MAP3K15: variants seen among roughly 807,000 people sequenced by gnomAD.
MAP3K15 encodes MAPK/ERK kinase kinase 15.
Under a neutral mutation model 99.5 loss-of-function variants are expected in MAP3K15, and 124 were observed. That is an observed-to-expected ratio of 1.25 (90% CI 1.08 to 1.45). The LOEUF (loss-of-function observed/expected upper bound fraction) is 1.45. Ranked by LOEUF, MAP3K15 falls within the 40% of genes most tolerant of loss-of-function variation. The pLI is 0.00. For missense variants in MAP3K15, 1,242 were observed against 1,079.7 expected, an observed-to-expected ratio of 1.15 and a Z score of -2.11; for synonymous variants, 494 against 439.6, an observed-to-expected ratio of 1.12 and a Z score of -1.55.
chrX:19,417,913 C>A (rs977423580), intron 9 of MAP3K15, among the ~76,000 whole-genome samples: 15 of 112,165 alleles, frequency 1.3e-4, no homozygotes, highest in African/African-American at 4.9e-4. Context: ...GCCTCTGCTG[C>A]TGATACCCAG....
At chrX:19,422,384 A>C (rs1419433380) in intron 9 of MAP3K15, among the ~76,000 whole-genome samples, 1 of 112,117 alleles carries the variant, frequency 8.9e-6, no homozygotes, top group Non-Finnish European at 1.9e-5. Context: ...ATGAACAGAC[A>C]CTTCTCAAAA....
intron 3 of MAP3K15, among the ~76,000 whole-genome samples, chrX:19,466,182 G>C (rs1352755554): frequency 9.0e-6 from 1 of 111,319 alleles, no homozygotes; most frequent in African/African-American, 3.3e-5. Context: ...TGGTAAGTTA[G>C]AGGTAAATTT....
chrX:19,463,901 TA>T lies in MAP3K15; in HGVS notation c.719+311del, dbSNP rs377474569. On this transcript the variant is annotated intron_variant, in intron 4 of 28. Transcript: ENST00000338883. ...GGATCTCAGAGCTGAAAGAGATCGTTAAAAAAAAAAAAATCACTGACAACTT... is the reference window on the plus strand; with the variant it reads ...GGATCTCAGAGCTGAAAGAGATCGTTAAAAAAAAAAAATCACTGACAACTT... Among the ~76,000 whole-genome samples, 500 of 102,497 alleles carry T rather than the reference TA, an allele frequency of 4.9e-3. 2 individuals are homozygous for T. The highest frequency in any genetic ancestry group is 0.014 in the African/African-American group (395 of 28,385). The allele number at this position is 102,497 out of a possible 115,157, so 89.0% of individuals were successfully genotyped here.
Position 19,459,996 on chromosome X carries a change from G to A in MAP3K15, c.877C>T (p.Arg293Cys), listed in dbSNP as rs371410606. Residue 293 changes from arginine (R) to cysteine (C), a missense_variant, in exon 5 of 29, where the codon CGT becomes TGT. By Grantham distance (180) the Arg-to-Cys change is radical. Coordinates refer to ENST00000338883, the MANE Select transcript of MAP3K15 (RefSeq NM_001001671.4). ...GGTGGATTTCATACCTGGATATCAC[G>A]GTAGGACAGGAGTAAGTTAATGATG... Reference protein sequence around the residue: ...DIIINLLLSYRDIQDYDAMVK... With the variant: ...DIIINLLLSYCDIQDYDAMVK... 2.6e-6 allele frequency: 3 copies of A among 1,157,893 alleles called. No individual in the cohort carries two copies. The highest frequency in any genetic ancestry group is 2.0e-5 in the South Asian group (1 of 50,016).
chrX:19,394,998 A>G, intron 16 of MAP3K15, 83 bp downstream of exon 16: 1 of 1,108,922 alleles, frequency 9.0e-7, no homozygotes, highest in Non-Finnish European at 1.2e-6. Flanking sequence ...GGGGTCTGTC[A>G]TTTTGTAAAT....
At chrX:19,474,170 T>C (rs2064225082) in intron 3 of MAP3K15, among the ~76,000 whole-genome samples, 1 of 112,136 alleles carries the variant, frequency 8.9e-6, no homozygotes, top group Non-Finnish European at 1.9e-5. Flanking sequence ...GGCATGCTAA[T>C]TTATTCGTCC....
chrX:19,400,515 T>C lies in MAP3K15; in HGVS notation c.1932+61A>G, dbSNP rs997742667. 1.6e-5 allele frequency: 14 copies of C among 876,325 alleles called. No homozygotes were observed. In the South Asian group the frequency reaches 2.5e-4, roughly 16 times the overall value. The allele number at this position is 876,325 out of a possible 1,213,427, so 72.2% of individuals were successfully genotyped here. A position where few individuals can be genotyped will look rare whatever the true frequency, so the allele number is the denominator to read the frequency against. ...GGATTTTTATAGAAAGATGGGACAT[T>C]TTCTTGAAGCATCGAACACACAATC... On this transcript the variant is annotated intron_variant, in intron 14 of 28. Transcript: ENST00000338883.
chrX:19,459,913 T>C, intron 5 of MAP3K15, 72 bp downstream of exon 5: 1 of 854,814 alleles, frequency 1.2e-6, no homozygotes. Flanking sequence ...AGTATACAAA[T>C]ACTTCACAAG....
chrX:19,422,970 T>G (rs1422028993), intron 9 of MAP3K15, among the ~76,000 whole-genome samples: 2 of 102,321 alleles, frequency 2.0e-5, no homozygotes, highest in African/African-American at 7.3e-5. Context: ...TAGGTGGGAA[T>G]TGAACAATGA....
chrX:19,505,553 A>G (rs1024244333), intron 1 of MAP3K15, among the ~76,000 whole-genome samples: 1 of 110,616 alleles, frequency 9.0e-6, no homozygotes, highest in Non-Finnish European at 1.9e-5. Context: ...GGGGACTCCA[A>G]GGTTCCCATG....
chrX:19,508,637 ATTT>A (rs1159081027), intron 1 of MAP3K15, among the ~76,000 whole-genome samples: 1 of 111,907 alleles, frequency 8.9e-6, no homozygotes, highest in Non-Finnish European at 1.9e-5. Context: ...AATCCTAGTA[ATTT>A]GGGAGGCTGA....
intron 6 of MAP3K15, among the ~76,000 whole-genome samples, chrX:19,443,312 C>A (rs1212125971): frequency 9.0e-6 from 1 of 111,308 alleles, no homozygotes; most frequent in Non-Finnish European, 1.9e-5. Context: ...GGATGACAGG[C>A]ATGAGCCACT....
At position 19,489,042 on chromosome X, in the gene MAP3K15, T is replaced by C. The variant is rs777186813; in HGVS notation, c.362-75A>G. The C allele has an allele frequency of 8.0e-5, 77 of 967,360 alleles. 1 individual carries two copies. In the African/African-American group the frequency reaches 1.3e-3, roughly 16 times the overall value. The allele number at this position is 967,360 out of a possible 1,213,427, so 79.7% of individuals were successfully genotyped here. On this transcript the variant is annotated intron_variant, in intron 1 of 28. Transcript: ENST00000338883. ...TCATCTACTCACTGGTGATCACCAG[T>C]GAGGAGCTATAGCAATGTGTATTTC...
intron 22 of MAP3K15, among the ~76,000 whole-genome samples, chrX:19,372,120 TGA>T (rs2063379428): frequency 1.6e-5 from 1 of 62,452 alleles, no homozygotes; most frequent in East Asian, 5.2e-4. Flanking sequence ...GGCGACAGAG[TGA>T]GACTGTCTAA....
chrX:19,459,598 C>T (rs1021628447), intron 5 of MAP3K15, among the ~76,000 whole-genome samples: 2 of 112,488 alleles, frequency 1.8e-5, no homozygotes, highest in African/African-American at 6.5e-5. Flanking sequence ...GCCTGCAATC[C>T]CAGCACTTTG....
chrX:19,410,862 A>G (rs936220043), intron 11 of MAP3K15, among the ~76,000 whole-genome samples: 7 of 111,481 alleles, frequency 6.3e-5, no homozygotes, highest in African/African-American at 2.3e-4. Context: ...ATACATCACA[A>G]TTGCAGAAAA....
At position 19,513,803 on chromosome X, in the gene MAP3K15, C is replaced by T. The variant is rs138188737; in HGVS notation, c.361+1098G>A. On this transcript the variant is annotated intron_variant, in intron 1 of 28. Transcript: ENST00000338883. ...CACATATAATGCTTCTGAACGTCACCCAGGTGACAGAGGTTTGTCACCAAA... is the reference window on the plus strand; with the variant it reads ...CACATATAATGCTTCTGAACGTCACTCAGGTGACAGAGGTTTGTCACCAAA... 8.1e-3 allele frequency among the ~76,000 whole-genome samples: 902 copies of T among 111,356 alleles called. 11 individuals are homozygous for T. Among genetic ancestry groups the T allele is most frequent in the African/African-American group, 0.028 (869 of 30,595 alleles).
At position 19,374,637 on chromosome X, in the gene MAP3K15, AG is replaced by A; in HGVS notation, c.2612del (p.Pro871LeufsTer33). On this transcript the variant is annotated frameshift_variant, in exon 20 of 29. Coordinates refer to ENST00000338883, the MANE Select transcript of MAP3K15 (RefSeq NM_001001671.4). LOFTEE classifies it high-confidence loss of function. ...MFKVGMFKIH[P>X]EIPEALSAEA... ...CAGCTGAAAGGGCTTCTGGAATCTC[AG>A]GGTGGATCTTAAACATGCCCACCTG... 8.3e-7 allele frequency: 1 copy of A among 1,210,830 alleles called. No homozygotes were observed. Among genetic ancestry groups the A allele is most frequent in the Non-Finnish European group, 1.1e-6 (1 of 894,947 alleles).
chrX:19,462,000 C>G (rs1451742718), intron 4 of MAP3K15, among the ~76,000 whole-genome samples: 28 of 6,105 alleles, frequency 4.6e-3, no homozygotes, highest in Non-Finnish European at 0.016. Flanking sequence ...AAAACACACA[C>G]ACACACACAC....
Sources: gnomAD v4.1 joint callset for allele counts (sites outside exome capture counted in the v4.1 genomes callset) on GRCh38, gnomAD v4.1.1 for gene constraint, MANE v1.5 for transcripts, NCBI Gene and HGNC (gene_info 2026-07-23, HGNC 2026-07-21) for gene names.